The following IL1RAPL1 variants were observed in gnomAD, a reference collection of about 807,000 sequenced individuals.
The protein encoded by IL1RAPL1 is interleukin 1 receptor accessory protein like 1.
A neutral mutation model predicts 48.4 loss-of-function variants in IL1RAPL1; 3 were observed. That is an observed-to-expected ratio of 0.06 (90% CI 0.03 to 0.16). IL1RAPL1 has a LOEUF of 0.16. Ranked by LOEUF, IL1RAPL1 falls within the 10% of genes least tolerant of loss-of-function variation. The pLI is 1.00. For synonymous variants in IL1RAPL1, 185 were observed against 187.7 expected (o/e 0.99, Z 0.12); for missense variants, 349 against 530.6 (o/e 0.66, Z 3.36).
At chrX:29,768,529 G>A (rs966762193) in intron 6 of IL1RAPL1, among the ~76,000 whole-genome samples, 4 of 111,614 alleles carry the variant, frequency 3.6e-5, no homozygotes, top group East Asian at 2.8e-4. Context: ...TGCCTGGTAC[G>A]TTACTGAGGA....
At chrX:28,891,633 T>G (rs2147319936) in intron 2 of IL1RAPL1, among the ~76,000 whole-genome samples, 1 of 112,559 alleles carries the variant, frequency 8.9e-6, no homozygotes, top group South Asian at 3.7e-4. Context: ...CAGAATAATA[T>G]ACCGTTGTAT....
At chrX:29,507,833 T>C (rs1200112749) in intron 5 of IL1RAPL1, among the ~76,000 whole-genome samples, 2 of 111,606 alleles carry the variant, frequency 1.8e-5, no homozygotes, top group South Asian at 3.8e-4. Context: ...ATACTTATAA[T>C]CTTTAAAAAA....
chrX:28,775,273 G>T (rs1341059147), intron 1 of IL1RAPL1, among the ~76,000 whole-genome samples: 1 of 111,977 alleles, frequency 8.9e-6, no homozygotes, highest in Non-Finnish European at 1.9e-5. Context: ...TATTAGCAAG[G>T]CCATGCTCTC....
At chrX:29,465,709 T>C (rs1254606634) in intron 5 of IL1RAPL1, among the ~76,000 whole-genome samples, 1 of 111,506 alleles carries the variant, frequency 9.0e-6, no homozygotes, top group Non-Finnish European at 1.9e-5. Flanking sequence ...GATATGTATT[T>C]CTTCTTTTAA....
intron 1 of IL1RAPL1, among the ~76,000 whole-genome samples, chrX:28,679,580 A>G (rs925617340): frequency 2.0e-4 from 22 of 111,470 alleles, no homozygotes; most frequent in Non-Finnish European, 3.8e-4. Context: ...TTTAATAGTT[A>G]TAAGGTTTCA....
At chrX:29,618,973 G>T (rs1452317631) in intron 5 of IL1RAPL1, among the ~76,000 whole-genome samples, 1 of 111,668 alleles carries the variant, frequency 9.0e-6, no homozygotes, top group Non-Finnish European at 1.9e-5. Flanking sequence ...GGTCTATAAT[G>T]TACAGCTTGC....
In IL1RAPL1 at chrX:29,174,583, G is replaced by A. The variant is rs1054015563; in HGVS notation, c.83-108355G>A. 7.2e-5 allele frequency among the ~76,000 whole-genome samples: 8 copies of A among 111,394 alleles called. No individual in the cohort carries two copies. In the South Asian group the frequency reaches 1.1e-3, roughly 16 times the overall value. On this transcript the variant is annotated intron_variant, in intron 2 of 10. Transcript: ENST00000378993. ...ATAGTTTTATGTAATATTTGTTATC[G>A]CATAAAACACAGAAAATTCAGAAGT...
At chrX:28,681,917 A>G (rs965252200) in intron 1 of IL1RAPL1, among the ~76,000 whole-genome samples, 3 of 112,001 alleles carry the variant, frequency 2.7e-5, no homozygotes, top group East Asian at 2.8e-4. Flanking sequence ...TGTTACACCA[A>G]TATCAAGCCC....
At chrX:28,698,309 C>T (rs1023213867) in intron 1 of IL1RAPL1, among the ~76,000 whole-genome samples, 1 of 111,209 alleles carries the variant, frequency 9.0e-6, no homozygotes, top group Non-Finnish European at 1.9e-5. Context: ...AAAACTGGCA[C>T]CATGACATTT....
chrX:29,179,300 G>T (rs2147519392), intron 2 of IL1RAPL1, among the ~76,000 whole-genome samples: 1 of 111,461 alleles, frequency 9.0e-6, no homozygotes, highest in Admixed American at 9.6e-5. Flanking sequence ...TCTCCTTGAA[G>T]AGGTCCTTCA....
rs1207096050 is a variant in IL1RAPL1, at chrX:29,616,893, GT to G, written c.704-51530del. 3.6e-5 allele frequency among the ~76,000 whole-genome samples: 4 copies of G among 111,303 alleles called. No homozygotes were observed. In the East Asian group the frequency reaches 1.1e-3, roughly 31 times the overall value. On this transcript the variant is annotated intron_variant, in intron 5 of 10. Transcript: ENST00000378993. ...TTCTTTTTTTATATCTCTATTATCA[GT>G]TTTTTTCTTTTGGAAGTCTGTCTTT...
At chrX:28,988,362 T>C (rs1234752445) in intron 2 of IL1RAPL1, among the ~76,000 whole-genome samples, 1 of 111,888 alleles carries the variant, frequency 8.9e-6, no homozygotes, top group Admixed American at 9.5e-5. Flanking sequence ...ATCCTTTTTT[T>C]TTCTTCCAGT....
intron 2 of IL1RAPL1, among the ~76,000 whole-genome samples, chrX:29,185,946 AAGG>A (rs1411835188): frequency 9.0e-6 from 1 of 111,565 alleles, no homozygotes; most frequent in Non-Finnish European, 1.9e-5. Flanking sequence ...GACTAAGAAG[AAGG>A]AGGAGAGTGG....
intron 2 of IL1RAPL1, among the ~76,000 whole-genome samples, chrX:28,854,729 G>A (rs1424710271): frequency 9.0e-6 from 1 of 111,115 alleles, no homozygotes; most frequent in Non-Finnish European, 1.9e-5. Flanking sequence ...GAATTGTTAG[G>A]AAAGTAAGAC....
chrX:29,453,015 C>T lies in IL1RAPL1; in HGVS notation c.703+53707C>T, dbSNP rs754519257. 2.4e-4 allele frequency among the ~76,000 whole-genome samples: 25 copies of T among 103,357 alleles called. No individual in the cohort carries two copies. In the South Asian group the frequency reaches 0.012, roughly 49 times the overall value. 89.8% of individuals were successfully genotyped at this position (103,357 alleles called of 115,157 possible). ...TCTCGGCTCACTGCAACCTCTGCCT[C>T]CTGGGTTCAAGCAATTCTCCTGCCT... On this transcript the variant is annotated intron_variant, in intron 5 of 10. Transcript: ENST00000378993.
At chrX:28,896,305 C>A (rs933880146) in intron 2 of IL1RAPL1, among the ~76,000 whole-genome samples, 2 of 111,377 alleles carry the variant, frequency 1.8e-5, no homozygotes, top group Non-Finnish European at 3.8e-5. Flanking sequence ...ATGTCAGGAG[C>A]GGATTGGGTA....
chrX:29,439,851 G>GTTTTTTTTTTTTTTTTTTTTTTTTTT (rs760458968), intron 5 of IL1RAPL1, among the ~76,000 whole-genome samples: 1 of 59,865 alleles, frequency 1.7e-5, no homozygotes, highest in Non-Finnish European at 2.9e-5. Context: ...TGTTTGTTTG[G>GTTTTTTTTTTTTTTTTTTTTTTTTTT]TTTTTTTTTT....
chrX:29,381,973 A>G (rs1277050656), intron 3 of IL1RAPL1, among the ~76,000 whole-genome samples: 3 of 108,356 alleles, frequency 2.8e-5, no homozygotes, highest in African/African-American at 1.0e-4. Context: ...TTTGATTCCA[A>G]ATAAATCCAT....
chrX:28,965,150 C>T (rs949761544), intron 2 of IL1RAPL1, among the ~76,000 whole-genome samples: 2 of 111,757 alleles, frequency 1.8e-5, no homozygotes, highest in African/African-American at 3.2e-5. Flanking sequence ...AGGAAATGCT[C>T]ATTCCCCATA....
Sources: gnomAD v4.1 joint callset for allele counts (sites outside exome capture counted in the v4.1 genomes callset) on GRCh38, gnomAD v4.1.1 for gene constraint, MANE v1.5 for transcripts, NCBI Gene and HGNC (gene_info 2026-07-23, HGNC 2026-07-21) for gene names.